The following KLHL13 variants were observed in gnomAD, a reference collection of about 807,000 sequenced individuals.
KLHL13 encodes kelch like family member 13.
Under a neutral mutation model 37.1 loss-of-function variants are expected in KLHL13, and 10 were observed. The observed-to-expected ratio is 0.27, with a 90% CI of 0.17 to 0.46. The LOEUF (loss-of-function observed/expected upper bound fraction) is 0.46, where lower values mean the gene tolerates loss of function less well. KLHL13 is among the 20% of genes least tolerant of loss of function. KLHL13 has a pLI of 1.00. For missense variants in KLHL13, 360 were observed against 509.3 expected (o/e 0.71, Z 2.82); for synonymous variants, 163 against 181.2 (o/e 0.90, Z 0.81).
At chrX:118,088,551 T>C (rs2055080648) in intron 1 of KLHL13, among the ~76,000 whole-genome samples, 1 of 111,926 alleles carries the variant, frequency 8.9e-6, no homozygotes, top group Non-Finnish European at 1.9e-5. Context: ...CATTTTGCCT[T>C]ACAAACTAAG....
intron 2 of KLHL13, among the ~76,000 whole-genome samples, chrX:117,927,028 C>T (rs1932091219): frequency 9.4e-6 from 1 of 106,189 alleles, no homozygotes; most frequent in African/African-American, 3.4e-5. Context: ...GCCTCAGCCT[C>T]CCGAGTAGCT....
At chrX:117,928,524 C>T (rs1258137331) in intron 2 of KLHL13, among the ~76,000 whole-genome samples, 1 of 111,972 alleles carries the variant, frequency 8.9e-6, no homozygotes, top group Non-Finnish European at 1.9e-5. Flanking sequence ...CTGGCCCCAG[C>T]TTAATTATAT....
intron 1 of KLHL13, among the ~76,000 whole-genome samples, chrX:118,027,648 TACACACAC>T (rs34640779): frequency 1.5e-4 from 16 of 103,802 alleles, no homozygotes; most frequent in Non-Finnish European, 3.0e-4. Flanking sequence ...TCTCCACACA[TACACACAC>T]ACACACACAC....
At chrX:117,960,275 A>AAACACCAAACAC (rs2053272421) in intron 1 of KLHL13, among the ~76,000 whole-genome samples, 1 of 111,370 alleles carries the variant, frequency 9.0e-6, no homozygotes, top group Non-Finnish European at 1.9e-5. Context: ...TGCACCTGCC[A>AAACACCAAACAC]TAATAGGAGC....
chrX:118,010,245 T>G (rs1386634002), intron 1 of KLHL13, among the ~76,000 whole-genome samples: 4 of 83,027 alleles, frequency 4.8e-5, no homozygotes, highest in Non-Finnish European at 7.0e-5. Context: ...ACTGGGTATA[T>G]ACCCAAATGA....
At chrX:118,116,678 G>A (rs1400379554) in exon 1 of KLHL13, 1 of 111,764 alleles carries the variant, frequency 8.9e-6, no homozygotes, top group Non-Finnish European at 1.9e-5. Flanking sequence ...CCTGGCGCAG[G>A]CGGAGAGCAC....
chrX:118,033,998 C>T (rs1370929214), intron 1 of KLHL13, among the ~76,000 whole-genome samples: 1 of 100,794 alleles, frequency 9.9e-6, no homozygotes, highest in Non-Finnish European at 2.0e-5. Context: ...CAAAGAAGGC[C>T]ATTACATAAT....
chrX:118,022,335 T>C (rs1355226337), intron 1 of KLHL13, among the ~76,000 whole-genome samples: 1 of 111,997 alleles, frequency 8.9e-6, no homozygotes, highest in Non-Finnish European at 1.9e-5. Context: ...GCTAATTCCA[T>C]TACTCTTGCA....
intron 6 of KLHL13, among the ~76,000 whole-genome samples, chrX:117,901,248 T>C (rs1347870916): frequency 9.0e-6 from 1 of 111,439 alleles, no homozygotes; most frequent in Non-Finnish European, 1.9e-5. Flanking sequence ...CTCCTTCACA[T>C]AGTTTAGCTA....
intron 1 of KLHL13, among the ~76,000 whole-genome samples, chrX:118,090,004 C>T (rs2055110809): frequency 9.5e-6 from 1 of 105,104 alleles, no homozygotes; most frequent in African/African-American, 3.5e-5. Context: ...TCGCTTGAAC[C>T]GGGGAGGCAG....
chrX:118,016,302 C>T (rs764381059), intron 1 of KLHL13, among the ~76,000 whole-genome samples: 10 of 111,435 alleles, frequency 9.0e-5, no homozygotes, highest in Non-Finnish European at 1.9e-4. Flanking sequence ...ACCATGAAGA[C>T]ATGATTATAC....
intron 1 of KLHL13, among the ~76,000 whole-genome samples, chrX:117,990,448 T>C (rs1293001126): frequency 1.8e-5 from 2 of 111,976 alleles, no homozygotes; most frequent in African/African-American, 6.5e-5. Flanking sequence ...CCAGGGAATA[T>C]TGAAAAATGA....
At chrX:117,952,207 T>C (rs955609490) in intron 1 of KLHL13, among the ~76,000 whole-genome samples, 2 of 111,303 alleles carry the variant, frequency 1.8e-5, no homozygotes, top group Admixed American at 9.5e-5. Context: ...AAAACAGAGA[T>C]ATAGATCAAT....
At chrX:118,007,080 A>T (rs977454852) in intron 1 of KLHL13, among the ~76,000 whole-genome samples, 7 of 110,852 alleles carry the variant, frequency 6.3e-5, no homozygotes, top group Non-Finnish European at 1.3e-4. Context: ...GTGACCTCCC[A>T]CTGATTTGAG....
chrX:118,081,207 T>C, intron 1 of KLHL13, among the ~76,000 whole-genome samples: 1 of 111,693 alleles, frequency 9.0e-6, no homozygotes, highest in Non-Finnish European at 1.9e-5. Context: ...CAAACCTGCA[T>C]ATGTGTACAC....
At chrX:117,985,301 CCT>C (rs1210711618) in intron 1 of KLHL13, 65 of 1,134,680 alleles carry the variant, frequency 5.7e-5, no homozygotes, top group Non-Finnish European at 7.0e-5. Context: ...CTTGTGGATC[CCT>C]CTCTCATCAA....
intron 1 of KLHL13, among the ~76,000 whole-genome samples, chrX:118,069,420 T>TAAAAAAAA (rs66906743): frequency 1.6e-5 from 1 of 61,528 alleles, no homozygotes; most frequent in Admixed American, 1.9e-4. Context: ...GTTTAAAATG[T>TAAAAAAAA]AAAAAAAAAA....
intron 1 of KLHL13, among the ~76,000 whole-genome samples, chrX:118,099,160 GA>G (rs1347257693): frequency 1.8e-5 from 2 of 110,790 alleles, no homozygotes; most frequent in African/African-American, 6.6e-5. Flanking sequence ...TTAATTTTCA[GA>G]AGGGTACATA....
At chrX:118,082,567 CTTGA>C (rs1401498490) in intron 1 of KLHL13, among the ~76,000 whole-genome samples, 1 of 111,552 alleles carries the variant, frequency 9.0e-6, no homozygotes, top group Non-Finnish European at 1.9e-5. Context: ...CCACTTCACT[CTTGA>C]TTGTTTCCTA....
Sources: allele counts gnomAD v4.1 joint callset (sites outside exome capture counted in the v4.1 genomes callset), GRCh38; gene constraint gnomAD v4.1.1; transcripts MANE v1.5; gene names NCBI Gene and HGNC (gene_info 2026-07-23, HGNC 2026-07-21).